Variants in TAFA1 observed in about 807,000 individuals in gnomAD.
TAFA1 encodes the protein TAFA chemokine like family member 1.
Under a neutral mutation model 18.5 loss-of-function variants are expected in TAFA1, and 4 were observed. That is an observed-to-expected ratio of 0.22 (90% CI 0.11 to 0.49). TAFA1 has a LOEUF of 0.49. Ranked by LOEUF, TAFA1 falls within the 20% of genes least tolerant of loss-of-function variation. TAFA1 has a pLI of 0.98. For missense variants in TAFA1, 147 were observed against 169.0 expected (o/e 0.87, Z 0.72); for synonymous variants, 56 against 55.2 (o/e 1.01, Z -0.06).
chr3:68,287,915 G>GT (rs1491349461), intron 2 of TAFA1, among the ~76,000 whole-genome samples: 1 of 79,914 alleles, frequency 1.3e-5, no homozygotes, highest in Non-Finnish European at 2.3e-5. Context: ...GTTGGGGGGT[G>GT]GGGGGGCTTT....
chr3:68,145,734 C>T lies in TAFA1; in HGVS notation c.118+138990C>T, dbSNP rs2065731433. The T allele has an allele frequency of 1.1e-5, 7 of 652,678 alleles. No homozygotes were observed. In the East Asian group the frequency reaches 1.4e-4, roughly 13 times the overall value. 40.4% of individuals were successfully genotyped at this position (652,678 alleles called of 1,614,324 possible). A position where few individuals can be genotyped will look rare whatever the true frequency, so the allele number is the denominator to read the frequency against. On this transcript the variant is annotated intron_variant, in intron 2 of 4. Transcript: ENST00000478136. The stretch of plus-strand genomic sequence containing the variant: ...TCAATTTATTGGATGGCTTAAGCAC[C>T]TCAGCATTCCTTACTATGTGATAAA...
intron 2 of TAFA1, among the ~76,000 whole-genome samples, chr3:68,415,119 C>T (rs150797535): frequency 6.6e-6 from 1 of 152,304 alleles, no homozygotes; most frequent in East Asian, 1.9e-4. Context: ...CTTCCATGAA[C>T]AAGTTGCAGC....
intron 2 of TAFA1, among the ~76,000 whole-genome samples, chr3:68,262,731 G>A (rs2067460227): frequency 6.6e-6 from 1 of 151,372 alleles, no homozygotes; most frequent in Non-Finnish European, 1.5e-5. Context: ...TGAATATAGT[G>A]GTGATGAATT....
intron 2 of TAFA1, among the ~76,000 whole-genome samples, chr3:68,213,860 C>T (rs2066623195): frequency 6.6e-6 from 1 of 152,166 alleles, no homozygotes. Flanking sequence ...TTAGCACATT[C>T]TTCCAATATT....
intron 2 of TAFA1, among the ~76,000 whole-genome samples, chr3:68,314,033 T>C (rs2068565127): frequency 6.6e-6 from 1 of 152,226 alleles, no homozygotes; most frequent in African/African-American, 2.4e-5. Flanking sequence ...TTATTCTGCC[T>C]AAAGGTAAAT....
intron 2 of TAFA1, chr3:68,144,911 A>G (rs1033439640): frequency 7.2e-6 from 5 of 697,872 alleles, no homozygotes; most frequent in Admixed American, 4.6e-5. Context: ...AGATAATAAT[A>G]GGTCATATCT....
At chr3:68,009,137 T>C (rs1252457934) in intron 2 of TAFA1, among the ~76,000 whole-genome samples, 1 of 152,226 alleles carries the variant, frequency 6.6e-6, no homozygotes, top group African/African-American at 2.4e-5. Context: ...TTTCTCTTGC[T>C]ATTGTTTTGT....
At chr3:68,475,945 G>A (rs1241941359) in intron 3 of TAFA1, among the ~76,000 whole-genome samples, 1 of 152,162 alleles carries the variant, frequency 6.6e-6, no homozygotes, top group East Asian at 1.9e-4. Flanking sequence ...TTTTTTGGCT[G>A]CATAAATGTC....
At chr3:68,083,270 C>T (rs1352573150) in intron 2 of TAFA1, among the ~76,000 whole-genome samples, 1 of 152,158 alleles carries the variant, frequency 6.6e-6, no homozygotes, top group African/African-American at 2.4e-5. Flanking sequence ...AACCTTCAGC[C>T]CCAACCTATT....
intron 2 of TAFA1, among the ~76,000 whole-genome samples, chr3:68,286,533 G>C (rs1248144308): frequency 1.3e-5 from 2 of 152,164 alleles, no homozygotes; most frequent in Non-Finnish European, 2.9e-5. Context: ...AAAGGAACTA[G>C]AGACCCCGGA....
At chr3:68,060,709 T>C (rs2064591891) in intron 2 of TAFA1, among the ~76,000 whole-genome samples, 1 of 152,176 alleles carries the variant, frequency 6.6e-6, no homozygotes, top group Admixed American at 6.5e-5. Flanking sequence ...TGGGTCTTTG[T>C]CATGGATGTC....
At chr3:68,428,848 C>T (rs569858107) in intron 3 of TAFA1, among the ~76,000 whole-genome samples, 5 of 151,932 alleles carry the variant, frequency 3.3e-5, no homozygotes, top group Non-Finnish European at 7.4e-5. Context: ...ACTTAGAAGT[C>T]GTCATTCATG....
intron 2 of TAFA1, among the ~76,000 whole-genome samples, chr3:68,260,567 C>T (rs1193013855): frequency 6.6e-6 from 1 of 152,052 alleles, no homozygotes; most frequent in South Asian, 2.1e-4. Flanking sequence ...GGTACCAAAA[C>T]AGAGATATAG....
intron 2 of TAFA1, among the ~76,000 whole-genome samples, chr3:68,318,393 G>A (rs2068640174): frequency 6.6e-6 from 1 of 152,184 alleles, no homozygotes; most frequent in Admixed American, 6.5e-5. Flanking sequence ...AAATCTAAAG[G>A]AGGGTAATAT....
At chr3:68,436,460 G>A (rs2106852293) in intron 3 of TAFA1, among the ~76,000 whole-genome samples, 1 of 152,212 alleles carries the variant, frequency 6.6e-6, no homozygotes, top group Admixed American at 6.5e-5. Context: ...CACAAAGCAT[G>A]TTTCAAAGAC....
intron 3 of TAFA1, among the ~76,000 whole-genome samples, chr3:68,430,196 G>A (rs900481241): frequency 1.3e-5 from 2 of 151,904 alleles, no homozygotes; most frequent in South Asian, 2.1e-4. Flanking sequence ...AGGAGATTGG[G>A]GAACTAAGAA....
chr3:68,192,331 T>C (rs1217186906), intron 2 of TAFA1: 1 of 152,838 alleles, frequency 6.5e-6, no homozygotes, highest in South Asian at 2.1e-4. Context: ...ACTAGGTCAC[T>C]CCAAGATAAA....
chr3:68,397,752 A>T (rs774804317), intron 2 of TAFA1, among the ~76,000 whole-genome samples: 1 of 152,214 alleles, frequency 6.6e-6, no homozygotes, highest in Non-Finnish European at 1.5e-5. Flanking sequence ...GTCTTCCACA[A>T]TGGTTGAACT....
chr3:68,256,695 T>C (rs1476654401), intron 2 of TAFA1, among the ~76,000 whole-genome samples: 1 of 152,096 alleles, frequency 6.6e-6, no homozygotes, highest in East Asian at 1.9e-4. Context: ...GATAGCAAAT[T>C]TGATTCTAGG....
Sources: gnomAD v4.1 joint callset for allele counts (sites outside exome capture counted in the v4.1 genomes callset) on GRCh38, gnomAD v4.1.1 for gene constraint, MANE v1.5 for transcripts, NCBI Gene and HGNC (gene_info 2026-07-23, HGNC 2026-07-21) for gene names.